The following DAP3 variants were observed in gnomAD, a reference collection of about 807,000 sequenced individuals.
The protein encoded by DAP3 is small ribosomal subunit protein mS29.
DAP3 carries 28 observed loss-of-function variants against 51.9 expected under a neutral mutation model. The ratio of observed to expected loss-of-function variants is 0.54; its 90% confidence interval spans 0.40 to 0.74. The LOEUF is 0.74. Among genes scored for constraint, DAP3 ranks in the 30% least tolerant of loss-of-function variants. The pLI, the probability that DAP3 is intolerant of heterozygous loss-of-function variation, is 0.00. For missense variants in DAP3, 458 were observed against 483.5 expected, an observed-to-expected ratio of 0.95 and a Z score of 0.49; for synonymous variants, 170 against 170.3, an observed-to-expected ratio of 1.00 and a Z score of 0.01.
At chr1:155,710,229 C>CTTT (rs537481688) in intron 2 of DAP3, 5 of 137,078 alleles carry the variant, frequency 3.6e-5, no homozygotes, top group Non-Finnish European at 6.3e-5. Flanking sequence ...TTTTTCAGTA[C>CTTT]TTTTTTTTTT....
chr1:155,699,412 G>T (rs983150557), intron 1 of DAP3, among the ~76,000 whole-genome samples: 1 of 152,150 alleles, frequency 6.6e-6, no homozygotes, highest in East Asian at 1.9e-4. Context: ...GGAACATAAT[G>T]GTGATCAGAA....
chr1:155,709,766 G>A lies in DAP3; in HGVS notation c.-7-7G>A. 6.9e-7 allele frequency: 1 copy of A among 1,457,218 alleles called. No homozygotes were observed. Among genetic ancestry groups the A allele is most frequent in the Admixed American group, 2.3e-5 (1 of 42,866 alleles). The allele number at this position is 1,457,218 out of a possible 1,614,324, so 90.3% of individuals were successfully genotyped here. On this transcript the variant is annotated splice_region_variant and splice_polypyrimidine_tract_variant and intron_variant, in intron 1 of 12. Transcript: ENST00000368336. ...TTACCTTTTCACTTTTTTTTTTTTT[G>A]TAACAGTGCAAGGATGATGCTGAAA...
chr1:155,688,765 C>T, upstream of DAP3: 2 of 1,529,116 alleles, frequency 1.3e-6, no homozygotes. Context: ...CGCCAGCACC[C>T]CCACCCTACA....
At chr1:155,715,812 G>A (rs997079907) in intron 2 of DAP3, among the ~76,000 whole-genome samples, 2 of 152,098 alleles carry the variant, frequency 1.3e-5, no homozygotes, top group African/African-American at 4.8e-5. Context: ...TGGTTCAGAG[G>A]TTTCGGTGTA....
chr1:155,719,000 A>G (rs1447736339), intron 3 of DAP3, among the ~76,000 whole-genome samples: 2 of 152,110 alleles, frequency 1.3e-5, no homozygotes, highest in African/African-American at 2.4e-5. Context: ...TGCTACCCCT[A>G]CATCTACGGT....
At chr1:155,689,268 G>A in intron 1 of DAP3, 94 bp downstream of exon 1, 1 of 661,636 alleles carries the variant, frequency 1.5e-6, no homozygotes, top group South Asian at 1.5e-5. Flanking sequence ...CGGTAGACCG[G>A]CGCGCCTCCG....
intron 1 of DAP3, among the ~76,000 whole-genome samples, chr1:155,699,786 T>A (rs28847868): frequency 1.3e-5 from 2 of 151,988 alleles, no homozygotes; most frequent in African/African-American, 2.4e-5. Context: ...GCTAATTTTT[T>A]AAATTTTTGG....
intron 1 of DAP3, among the ~76,000 whole-genome samples, chr1:155,695,498 A>G (rs1654398937): frequency 4.6e-5 from 7 of 152,194 alleles, no homozygotes; most frequent in Admixed American, 4.6e-4. Flanking sequence ...TATGGGGGAA[A>G]CCAACAAGTC....
intron 3 of DAP3, among the ~76,000 whole-genome samples, chr1:155,720,175 A>G (rs1186179828): frequency 6.6e-6 from 1 of 151,806 alleles, no homozygotes; most frequent in African/African-American, 2.4e-5. Flanking sequence ...AAGTAAAAAA[A>G]TGAGCCAGGT....
At chr1:155,722,520 A>G (rs907528423) in intron 4 of DAP3, among the ~76,000 whole-genome samples, 9 of 152,162 alleles carry the variant, frequency 5.9e-5, no homozygotes. Context: ...GTTCAAGACC[A>G]GCTGGGCAAT....
At chr1:155,736,241 C>T (rs1410583082) in intron 11 of DAP3, among the ~76,000 whole-genome samples, 1 of 152,178 alleles carries the variant, frequency 6.6e-6, no homozygotes, top group African/African-American at 2.4e-5. Context: ...ATCTGCCCTC[C>T]TTGGCCACCC....
chr1:155,696,635 C>T (rs1654544147), intron 1 of DAP3, among the ~76,000 whole-genome samples: 1 of 152,092 alleles, frequency 6.6e-6, no homozygotes, highest in South Asian at 2.1e-4. Context: ...ATAAGTTGGT[C>T]TCTATTTTTT....
intron 2 of DAP3, among the ~76,000 whole-genome samples, chr1:155,711,425 A>T (rs947635520): frequency 3.3e-5 from 5 of 152,092 alleles, no homozygotes; most frequent in African/African-American, 4.8e-5. Context: ...CCCAAGAGGT[A>T]GAGGTTGCAG....
At chr1:155,735,013 C>T (rs1193771177) in intron 11 of DAP3, among the ~76,000 whole-genome samples, 1 of 151,516 alleles carries the variant, frequency 6.6e-6, no homozygotes, top group Non-Finnish European at 1.5e-5. Flanking sequence ...GCCTATAATC[C>T]CAGCACTTTG....
chr1:155,689,507 G>C, intron 1 of DAP3: 1 of 441,328 alleles, frequency 2.3e-6, no homozygotes. Flanking sequence ...TTCTCATTCA[G>C]TTCTGGACTC....
Position 155,721,424 on chromosome 1 carries a change from A to G in DAP3, c.169-93A>G, listed in dbSNP as rs1658002248. ...TGTATATATATATATATATACACATAGACATACATATATACACACACATAG... is the reference window on the plus strand; with the variant it reads ...TGTATATATATATATATATACACATGGACATACATATATACACACACATAG... On this transcript the variant is annotated intron_variant, in intron 3 of 12. Transcript: ENST00000368336. 6 of 758,212 alleles carry G rather than the reference A, an allele frequency of 7.9e-6. No individual in the cohort carries two copies. The East Asian group carries it at 1.6e-4, about 20-fold the overall frequency. The allele number at this position is 758,212 out of a possible 1,614,324, so 47.0% of individuals were successfully genotyped here.
Position 155,707,543 on chromosome 1 carries a change from C to T in DAP3, c.-7-2230C>T, listed in dbSNP as rs72999071. On this transcript the variant is annotated intron_variant, in intron 1 of 12. Transcript: ENST00000368336. ...TTAAACCTCTTAGCTCCAAAAGATT[C>T]GGGCTTTTAAATTAGATATTTCCTG... Among the ~76,000 whole-genome samples the T allele has an allele frequency of 5.7e-3, 862 of 152,112 alleles. 7 individuals carry two copies. The highest frequency in any genetic ancestry group is 0.02 in the African/African-American group (811 of 41,504).
At chr1:155,735,895 G>A (rs1352554309) in intron 11 of DAP3, among the ~76,000 whole-genome samples, 1 of 144,648 alleles carries the variant, frequency 6.9e-6, no homozygotes, top group Admixed American at 7.1e-5. Context: ...AGGCTGGAGT[G>A]CAGTGGCTTA....
intron 1 of DAP3, among the ~76,000 whole-genome samples, chr1:155,695,024 C>T (rs964781758): frequency 1.3e-5 from 2 of 152,188 alleles, no homozygotes; most frequent in African/African-American, 2.4e-5. Flanking sequence ...GCTCAACAAT[C>T]GCTTGCCTTT....
Sources: gnomAD v4.1 joint callset for allele counts (sites outside exome capture counted in the v4.1 genomes callset) on GRCh38, gnomAD v4.1.1 for gene constraint, MANE v1.5 for transcripts, NCBI Gene and HGNC (gene_info 2026-07-23, HGNC 2026-07-21) for gene names.